Variants in BCR observed in about 807,000 individuals in gnomAD.
BCR encodes the protein BCR activator of RhoGEF and GTPase.
In BCR, 58 loss-of-function variants were observed where a neutral mutation model predicts 138.6. The ratio of observed to expected loss-of-function variants is 0.42; its 90% CI spans 0.34 to 0.52. The LOEUF (loss-of-function observed/expected upper bound fraction) is 0.52. Ranked by LOEUF, BCR falls within the 20% of genes least tolerant of loss-of-function variation. The probability of loss-of-function intolerance (pLI) is 0.06; values close to 1 mark genes in which losing one functional copy is unlikely to be tolerated. For missense variants in BCR, 1,599 were observed against 1,727.2 expected, an observed-to-expected ratio of 0.93 and a Z score of 1.32; for synonymous variants, 786 against 730.1, an observed-to-expected ratio of 1.08 and a Z score of -1.23.
At chr22:23,206,093 A>G (rs146968809) in intron 1 of BCR, among the ~76,000 whole-genome samples, 2 of 152,108 alleles carry the variant, frequency 1.3e-5, no homozygotes, top group African/African-American at 2.4e-5. Context: ...TGGATGAGAG[A>G]TGGTCACTTG....
intron 1 of BCR, among the ~76,000 whole-genome samples, chr22:23,189,749 C>T (rs956373346): frequency 1.3e-5 from 2 of 152,206 alleles, no homozygotes; most frequent in East Asian, 3.8e-4. Flanking sequence ...ATCCACCCGC[C>T]TCGGCCTCCC....
In BCR at chr22:23,234,676, G is replaced by A. The variant is rs566931568; in HGVS notation, c.1280-19123G>A. On this transcript the variant is annotated intron_variant, in intron 1 of 22. Coordinates refer to ENST00000305877, the MANE Select transcript of BCR (RefSeq NM_004327.4). ...GGGAGGCCATCTGGATGGGGAAGGT[G>A]TGAGCCGAGGCCCAGAATGGAGCAC... Among the ~76,000 whole-genome samples, 7 of 106,392 alleles carry A rather than the reference G, an allele frequency of 6.6e-5. 1 individual carries two copies. The East Asian group carries it at 1.5e-3, about 23-fold the overall frequency. The allele number at this position is 106,392 out of a possible 152,430, so 69.8% of individuals were successfully genotyped here.
intron 1 of BCR, among the ~76,000 whole-genome samples, chr22:23,236,609 G>A (rs1359699020): frequency 6.6e-6 from 1 of 152,256 alleles, no homozygotes; most frequent in Non-Finnish European, 1.5e-5. Flanking sequence ...TGTGGGCAGA[G>A]CCCAGTGGGT....
intron 2 of BCR, among the ~76,000 whole-genome samples, chr22:23,260,363 A>G (rs926982842): frequency 6.6e-6 from 1 of 152,168 alleles, no homozygotes; most frequent in African/African-American, 2.4e-5. Flanking sequence ...ACAGGCCTTG[A>G]GCCCCAGGGA....
chr22:23,237,789 C>T (rs2073043410), intron 1 of BCR, among the ~76,000 whole-genome samples: 1 of 152,232 alleles, frequency 6.6e-6, no homozygotes, highest in South Asian at 2.1e-4. Flanking sequence ...GCTAGGGTCA[C>T]CCGCTGACCT....
intron 1 of BCR, among the ~76,000 whole-genome samples, chr22:23,240,883 CTA>C (rs1387678229): frequency 7.9e-5 from 12 of 152,158 alleles, no homozygotes; most frequent in Non-Finnish European, 1.8e-4. Context: ...CTTTCTGTCT[CTA>C]TGAATTTGAC....
rs747833496 is a variant in BCR, at chr22:23,181,828, G to A, written c.868G>A (p.Gly290Arg). 3 of 1,611,614 alleles carry A rather than the reference G, an allele frequency of 1.9e-6. No homozygotes were observed. The highest frequency in any genetic ancestry group is 1.7e-6 in the Non-Finnish European group (2 of 1,179,888). ...CATCTACGTCGGGGGCATGATGGAA[G>A]GGGAGGGCAAGGGCCCGCTCCTGCG... ...QSIYVGGMMEGEGKGPLLRSQ... is the reference protein window; with the variant it reads ...QSIYVGGMMEREGKGPLLRSQ... The change falls in exon 1 of 23, where the codon GGG becomes AGG. Residue 290 changes from glycine to arginine, a missense_variant. Physicochemically the swap from Gly to Arg is moderately radical, Grantham distance 125 (BLOSUM62 -2). Around this residue, in one of 4 missense-constraint regions of BCR, gnomAD observed 806 missense variants for 635.0 expected, o/e 1.27. Coordinates refer to ENST00000305877, the MANE Select transcript of BCR (RefSeq NM_004327.4).
intron 1 of BCR, among the ~76,000 whole-genome samples, chr22:23,248,645 T>G (rs2073183841): frequency 6.6e-6 from 1 of 152,142 alleles, no homozygotes; most frequent in African/African-American, 2.4e-5. Flanking sequence ...GGGTTTCAGA[T>G]TTCACTAGGC....
At chr22:23,193,950 G>A (rs185069334) in intron 1 of BCR, among the ~76,000 whole-genome samples, 16 of 152,304 alleles carry the variant, frequency 1.1e-4, no homozygotes, top group South Asian at 2.1e-4. Context: ...ATGCATTGGC[G>A]TGAGCCCAGG....
At chr22:23,235,899 C>T (rs2073017513) in intron 1 of BCR, among the ~76,000 whole-genome samples, 1 of 152,184 alleles carries the variant, frequency 6.6e-6, no homozygotes, top group Non-Finnish European at 1.5e-5. Flanking sequence ...GTTCCGTCCT[C>T]CTGACCTAAT....
At position 23,309,394 on chromosome 22, in the gene BCR, C is replaced by T. The variant is rs1431914692; in HGVS notation, c.3013-30C>T. On this transcript the variant is annotated intron_variant, in intron 16 of 22. Transcript: ENST00000305877. ...TGGGGCCTCTGAACAGACCCCAGGGCCTCTGCCAATCATGACTCCTTCCTT... is the reference window on the plus strand; with the variant it reads ...TGGGGCCTCTGAACAGACCCCAGGGTCTCTGCCAATCATGACTCCTTCCTT... The T allele has an allele frequency of 7.1e-6, 11 of 1,540,508 alleles. No homozygotes were observed. In the African/African-American group the frequency reaches 1.4e-4, roughly 19 times the overall value.
intron 16 of BCR, among the ~76,000 whole-genome samples, chr22:23,305,168 T>C (rs1306335630): frequency 6.6e-6 from 1 of 150,402 alleles, no homozygotes; most frequent in Non-Finnish European, 1.5e-5. Flanking sequence ...ATTGTGGTCA[T>C]AGACTACAGC....
intron 16 of BCR, 106 bp downstream of exon 16, chr22:23,295,261 G>T: frequency 1.6e-6 from 2 of 1,284,504 alleles, no homozygotes; most frequent in Non-Finnish European, 2.1e-6. Flanking sequence ...GGGTGGGGTG[G>T]GGTGGGCAGC....
At chr22:23,259,859 G>A (rs956205408) in intron 2 of BCR, among the ~76,000 whole-genome samples, 2 of 152,152 alleles carry the variant, frequency 1.3e-5, no homozygotes, top group African/African-American at 4.8e-5. Context: ...GAGGTGGTGG[G>A]TGCATGAGGT....
At chr22:23,274,037 G>A (rs903523264) in intron 8 of BCR, among the ~76,000 whole-genome samples, 1 of 152,120 alleles carries the variant, frequency 6.6e-6, no homozygotes, top group African/African-American at 2.4e-5. Flanking sequence ...GTCATTGTGG[G>A]TTGTGTCCAG....
intron 16 of BCR, among the ~76,000 whole-genome samples, chr22:23,297,247 G>GTTTTTTT (rs2073857348): frequency 7.7e-6 from 1 of 130,322 alleles, no homozygotes; most frequent in Admixed American, 8.7e-5. Context: ...TCGAGACAGA[G>GTTTTTTT]TTTTGCTCTT....
intron 5 of BCR, 62 bp from the exon 6 acceptor site, chr22:23,271,470 A>C: frequency 6.5e-7 from 1 of 1,532,630 alleles, no homozygotes; most frequent in Non-Finnish European, 9.0e-7. Context: ...CAAAGGGGGA[A>C]CTGTCTGCAT....
At chr22:23,206,114 TC>T (rs921396847) in intron 1 of BCR, among the ~76,000 whole-genome samples, 8 of 152,178 alleles carry the variant, frequency 5.3e-5, no homozygotes, top group African/African-American at 1.4e-4. Context: ...GTTTCTAACT[TC>T]CCTTTCTCTT....
At chr22:23,302,712 A>G (rs2073916098) in intron 16 of BCR, 1 of 152,308 alleles carries the variant, frequency 6.6e-6, no homozygotes, top group South Asian at 2.1e-4. Flanking sequence ...CATAGTCACC[A>G]CCACTCCTCC....
Sources: gnomAD v4.1 joint callset for allele counts (sites outside exome capture counted in the v4.1 genomes callset) on GRCh38, gnomAD v4.1.1 for gene constraint, gnomAD v4.1.1 regional missense constraint, MANE v1.5 for transcripts, NCBI Gene and HGNC (gene_info 2026-07-23, HGNC 2026-07-21) for gene names.